Variants in PHAF1 observed in about 807,000 individuals in gnomAD.
PHAF1 encodes phagosome assembly factor 1.
In PHAF1, 23 loss-of-function variants were observed where a neutral mutation model predicts 63.1. The ratio of observed to expected loss-of-function variants is 0.36; its 90% CI spans 0.26 to 0.52. The LOEUF (loss-of-function observed/expected upper bound fraction) is 0.52, where lower values mean the gene tolerates loss of function less well. Among genes scored for constraint, PHAF1 ranks in the 20% least tolerant of loss-of-function variants. The pLI is 0.93. For synonymous variants in PHAF1, 167 were observed against 185.0 expected, an observed-to-expected ratio of 0.90 and a Z score of 0.79; for missense variants, 427 against 517.2, an observed-to-expected ratio of 0.83 and a Z score of 1.69.
At chr16:67,130,919 A>G (rs1313122664) in intron 3 of PHAF1, among the ~76,000 whole-genome samples, 2 of 152,128 alleles carry the variant, frequency 1.3e-5, no homozygotes, top group African/African-American at 2.4e-5. Flanking sequence ...GACACTGGCT[A>G]TGGTTATGCT....
At chr16:67,136,671 C>T (rs1196359752) in intron 8 of PHAF1, among the ~76,000 whole-genome samples, 1 of 145,622 alleles carries the variant, frequency 6.9e-6, no homozygotes, top group African/African-American at 2.5e-5. Context: ...CAGCCTTGAA[C>T]TCCTGGGCAC....
At chr16:67,139,857 T>C in intron 8 of PHAF1, 127 bp from the exon 9 acceptor site, 2 of 1,017,134 alleles carry the variant, frequency 2.0e-6, no homozygotes, top group East Asian at 4.8e-5. Context: ...TGTTTCTGAT[T>C]GCATGCAGTC....
At chr16:67,112,963 G>A (rs1236035071) in intron 1 of PHAF1, among the ~76,000 whole-genome samples, 1 of 152,178 alleles carries the variant, frequency 6.6e-6, no homozygotes, top group Non-Finnish European at 1.5e-5. Context: ...GGGGCTGTTA[G>A]GTAGGGATAG....
chr16:67,125,324 T>TCGG (rs1963144889), intron 2 of PHAF1, among the ~76,000 whole-genome samples: 2 of 152,110 alleles, frequency 1.3e-5, no homozygotes, highest in South Asian at 4.1e-4. Context: ...ATCTTAGACT[T>TCGG]CGGCTTTTCA....
At chr16:67,145,122 C>T (rs991337939) in intron 12 of PHAF1, among the ~76,000 whole-genome samples, 1 of 152,062 alleles carries the variant, frequency 6.6e-6, no homozygotes, top group Non-Finnish European at 1.5e-5. Flanking sequence ...TTCTTATCTA[C>T]AGATGATCAT....
At chr16:67,136,642 G>T (rs1963622144) in intron 8 of PHAF1, among the ~76,000 whole-genome samples, 1 of 145,778 alleles carries the variant, frequency 6.9e-6, no homozygotes, top group Non-Finnish European at 1.5e-5. Flanking sequence ...GAATGCAGTG[G>T]CATCATCATA....
In PHAF1 at chr16:67,134,380, T is replaced by C. The variant is rs780116527; in HGVS notation, c.574T>C (p.Phe192Leu). The C allele has an allele frequency of 6.2e-7, 1 of 1,614,170 alleles. No homozygotes were observed. The highest frequency in any genetic ancestry group is 8.5e-7 in the Non-Finnish European group (1 of 1,179,996). ...GGCTCCCATGATGCCTCTGAGCTGT[T>C]TCCTGGGCAATGTCTATGCTGAGAG... ...TKAPMMPLSC[F>L]LGNVYAESVD... Residue 192 changes from phenylalanine (F) to leucine (L), a missense_variant, in exon 8 of 16, where the codon TTC (phenylalanine) becomes CTC (leucine). Phe to Leu is a conservative substitution (Grantham distance 22, BLOSUM62 0). Coordinates refer to ENST00000219139, the MANE Select transcript of PHAF1 (RefSeq NM_025187.5).
chr16:67,140,384 G>A (rs1963763403), intron 9 of PHAF1, 127 bp from the exon 10 acceptor site: 1 of 909,510 alleles, frequency 1.1e-6, no homozygotes, highest in Non-Finnish European at 1.7e-6. Context: ...ACCAGCAGCT[G>A]AGACTCCCCA....
rs1289781841 is a variant in PHAF1 at position 67,148,514 on chromosome 16, T to C, written c.*1383T>C. 6.6e-6 allele frequency: 1 copy of C among 152,382 alleles called. No individual in the cohort carries two copies. The highest frequency in any genetic ancestry group is 1.9e-4 in the East Asian group (1 of 5,204). The allele number at this position is 152,382 out of a possible 1,614,324, so 9.4% of individuals were successfully genotyped here. On this transcript the variant is annotated 3_prime_UTR_variant, in exon 16 of 16. Coordinates refer to ENST00000219139, the MANE Select transcript of PHAF1 (RefSeq NM_025187.5). ...GTGCCCTCAGCAATGGCCTGCCATG[T>C]GCTGTTGCTGGGATGTTTGTATTAA...
At chr16:67,142,891 T>C (rs78343295) in intron 10 of PHAF1, among the ~76,000 whole-genome samples, 11,533 of 152,226 alleles carry the variant, frequency 0.076, 1,329 homozygotes, top group African/African-American at 0.25. Flanking sequence ...TCGGCATCCT[T>C]GCAGCGGCCA....
chr16:67,120,269 A>T, intron 2 of PHAF1, 75 bp downstream of exon 2: 1 of 1,377,288 alleles, frequency 7.3e-7, no homozygotes, highest in Middle Eastern at 1.8e-4. Context: ...ATGCTTTGGG[A>T]TAGGCTGACT....
chr16:67,133,536 G>A (rs1024909775), intron 6 of PHAF1, among the ~76,000 whole-genome samples: 4 of 150,852 alleles, frequency 2.7e-5, no homozygotes, highest in Admixed American at 2.0e-4. Context: ...GCCGGGCGCA[G>A]TGGCTCACGC....
At chr16:67,142,918 G>A (rs769642639) in intron 10 of PHAF1, among the ~76,000 whole-genome samples, 17 of 152,352 alleles carry the variant, frequency 1.1e-4, no homozygotes, top group Non-Finnish European at 2.1e-4. Context: ...ATGGGCCATT[G>A]CTGCCATCAA....
chr16:67,120,244 T>A, intron 2 of PHAF1, 50 bp downstream of exon 2: 1 of 1,538,532 alleles, frequency 6.5e-7, no homozygotes, highest in East Asian at 2.3e-5. Context: ...CGGTAGTGAG[T>A]CACTTCCAGA....
chr16:67,116,692 A>C (rs1962746146), intron 1 of PHAF1, among the ~76,000 whole-genome samples: 2 of 152,186 alleles, frequency 1.3e-5, no homozygotes, highest in African/African-American at 4.8e-5. Flanking sequence ...TCTACCAAAA[A>C]TTTAAAAGTT....
At chr16:67,120,262 C>A in intron 2 of PHAF1, 68 bp downstream of exon 2, 1 of 1,445,424 alleles carries the variant, frequency 6.9e-7, no homozygotes. Flanking sequence ...AGAGCTGATG[C>A]TTTGGGATAG....
rs531283269 is a variant in PHAF1, at chr16:67,119,974, A to G, written c.65-138A>G. On this transcript the variant is annotated intron_variant, in intron 1 of 15. Transcript: ENST00000219139. ...AGCTCTTACTGCTTATTGAACTCTT[A>G]TTTACTCATGTATCTGTAGACCTTA... 235 of 636,604 alleles carry G rather than the reference A, an allele frequency of 3.7e-4. 8 individuals are homozygous for G. The highest frequency in any genetic ancestry group is 2.0e-3 in the South Asian group (101 of 51,074). 39.4% of individuals were successfully genotyped at this position (636,604 alleles called of 1,614,324 possible).
chr16:67,125,932 A>G (rs1182788821), intron 2 of PHAF1, 27 bp from the exon 3 acceptor site: 1 of 1,520,634 alleles, frequency 6.6e-7, no homozygotes, highest in Non-Finnish European at 9.1e-7. Flanking sequence ...TCAGTTACTC[A>G]GAATGTATTT....
Position 67,110,008 on chromosome 16 carries a change from AGGTGT to A in PHAF1, c.-162_-158del, listed in dbSNP as rs1019193478. The A allele has an allele frequency of 1.9e-5, 12 of 633,212 alleles. No homozygotes were observed. Among genetic ancestry groups the A allele is most frequent in the Non-Finnish European group, 3.3e-5 (12 of 364,456 alleles). 39.2% of individuals were successfully genotyped at this position (633,212 alleles called of 1,614,324 possible). A position where few individuals can be genotyped will look rare whatever the true frequency, so the allele number is the denominator to read the frequency against. ...GCTGCAGGTGAGGTGAAGTGAGGTG[AGGTGT>A]GGTGTTGGGCCGGTGCTGCTGCCGC... On this transcript the variant is annotated 5_prime_UTR_variant, in exon 1 of 16. Transcript: ENST00000219139.
Sources: gnomAD v4.1 joint callset for allele counts (sites outside exome capture counted in the v4.1 genomes callset) on GRCh38, gnomAD v4.1.1 for gene constraint, MANE v1.5 for transcripts, NCBI Gene and HGNC (gene_info 2026-07-23, HGNC 2026-07-21) for gene names.